The following NVL variants were observed in gnomAD, a reference collection of about 807,000 sequenced individuals.
NVL encodes the protein nuclear valosin-containing protein-like.
NVL carries 84 observed loss-of-function variants against 110.2 expected under a neutral mutation model. The observed-to-expected ratio is 0.76, with a 90% CI of 0.64 to 0.91. The LOEUF (loss-of-function observed/expected upper bound fraction) is 0.91. Among genes scored for constraint, NVL ranks in the 40% least tolerant of loss-of-function variants. The pLI is 0.00. For missense variants in NVL, 882 were observed against 1,035.9 expected, an observed-to-expected ratio of 0.85 and a Z score of 2.04; for synonymous variants, 354 against 361.1, an observed-to-expected ratio of 0.98 and a Z score of 0.22.
At chr1:224,245,353 T>A (rs898623005) in intron 19 of NVL, among the ~76,000 whole-genome samples, 1 of 152,198 alleles carries the variant, frequency 6.6e-6, no homozygotes, top group African/African-American at 2.4e-5. Context: ...CAAAGCTTTT[T>A]AAACAAAAAC....
chr1:224,278,020 A>G (rs1021748209), intron 16 of NVL, among the ~76,000 whole-genome samples: 2 of 152,144 alleles, frequency 1.3e-5, no homozygotes, highest in African/African-American at 4.8e-5. Context: ...CTTTTACTTA[A>G]CAAACTTGTC....
intron 17 of NVL, among the ~76,000 whole-genome samples, chr1:224,271,365 C>T (rs968750054): frequency 7.2e-5 from 11 of 151,850 alleles, no homozygotes; most frequent in African/African-American, 2.7e-4. Flanking sequence ...GGTGCACACC[C>T]GTACTACTAG....
chr1:224,311,782 A>T lies in NVL; in HGVS notation c.342+18T>A. The T allele has an allele frequency of 6.2e-7, 1 of 1,605,970 alleles. No homozygotes were observed. Among genetic ancestry groups the T allele is most frequent in the South Asian group, 1.1e-5 (1 of 90,786 alleles). ...AAAAAGAAAAAATCTAAGTGGACCC[A>T]CTAAATGTTTGGCTTACCTGTGGAT... On this transcript the variant is annotated intron_variant, in intron 5 of 22. Transcript: ENST00000281701.
rs991679640 is a variant in NVL at position 224,257,632 on chromosome 1, A to G, written c.2183-7314T>C. Reference sequence around the variant, plus strand: ...AGCCTTGATCTCCGGGACTCAAGCAATCCTCCCGCCATAGCCTCCCAAGTA... The same window carrying G: ...AGCCTTGATCTCCGGGACTCAAGCAGTCCTCCCGCCATAGCCTCCCAAGTA... On this transcript the variant is annotated intron_variant, in intron 18 of 22. Transcript: ENST00000281701. Among the ~76,000 whole-genome samples the G allele has an allele frequency of 3.9e-4, 59 of 152,040 alleles. 1 individual carries two copies. Among genetic ancestry groups the G allele is most frequent in the Admixed American group, 3.3e-3 (50 of 15,254 alleles).
At chr1:224,302,381 G>T (rs181373827) in intron 9 of NVL, among the ~76,000 whole-genome samples, 3 of 152,196 alleles carry the variant, frequency 2.0e-5, no homozygotes, top group Non-Finnish European at 4.4e-5. Context: ...TGTATTTTTA[G>T]TAGAGATGGG....
At chr1:224,318,656 G>A (rs771816360) in intron 2 of NVL, among the ~76,000 whole-genome samples, 20 of 151,304 alleles carry the variant, frequency 1.3e-4, no homozygotes, top group South Asian at 6.3e-4. Context: ...CAGACCCTTC[G>A]TCTCAAAAAT....
At chr1:224,281,981 A>T (rs1170241462) in intron 15 of NVL, among the ~76,000 whole-genome samples, 1 of 151,346 alleles carries the variant, frequency 6.6e-6, no homozygotes, top group Non-Finnish European at 1.5e-5. Context: ...AAAAAGACAA[A>T]TGGGAAAAGG....
rs151019058 is a variant in NVL, at chr1:224,237,658, C to T, written c.2290-1076G>A. The stretch of plus-strand genomic sequence containing the variant: ...GTGGAACAACCACAACAGACTTGAC[C>T]TCCTCGGCACAAGAGATCCTTCTAC... On this transcript the variant is annotated intron_variant, in intron 19 of 22. Coordinates refer to ENST00000281701, the MANE Select transcript of NVL (RefSeq NM_002533.4). 5.9e-5 allele frequency among the ~76,000 whole-genome samples: 9 copies of T among 151,962 alleles called. No individual in the cohort carries two copies. The East Asian group carries it at 1.5e-3, about 26-fold the overall frequency.
At chr1:224,316,202 T>C (rs1016171305) in intron 4 of NVL, among the ~76,000 whole-genome samples, 1 of 151,328 alleles carries the variant, frequency 6.6e-6, no homozygotes, top group Non-Finnish European at 1.5e-5. Context: ...AACAGATAAA[T>C]AGATAAAATA....
At chr1:224,268,548 C>A (rs1275663997) in intron 17 of NVL, among the ~76,000 whole-genome samples, 6 of 152,210 alleles carry the variant, frequency 3.9e-5, no homozygotes, top group Admixed American at 3.3e-4. Context: ...GCTGTCCAGG[C>A]TGGTCGTGAC....
chr1:224,238,724 C>T (rs1229562681), intron 19 of NVL, among the ~76,000 whole-genome samples: 2 of 152,106 alleles, frequency 1.3e-5, no homozygotes, highest in Admixed American at 6.6e-5. Context: ...CAATTTTCAA[C>T]CGAGTCAGGA....
In NVL at chr1:224,227,669, T is replaced by A. The variant is rs778682297; in HGVS notation, c.2528A>T (p.Asp843Val). ...KKVRSSISKK[D>V]QIMYERLQES... Reference sequence around the variant, plus strand: ...CTGCAAACGTTCATACATGATTTGATCCTGAAAGGAGGGAGAACACAGAAT... The same window carrying A: ...CTGCAAACGTTCATACATGATTTGAACCTGAAAGGAGGGAGAACACAGAAT... The change falls in exon 23 of 23, where the codon GAT (aspartate) becomes GTT (valine). Residue 843 changes from aspartate to valine, a missense_variant and splice_region_variant. By Grantham distance (152) the Asp-to-Val change is radical. Transcript: ENST00000281701. The A allele has an allele frequency of 6.2e-7, 1 of 1,610,588 alleles. No homozygotes were observed. Among genetic ancestry groups the A allele is most frequent in the Non-Finnish European group, 8.5e-7 (1 of 1,177,730 alleles).
At chr1:224,250,747 T>C (rs1662380397) in intron 18 of NVL, among the ~76,000 whole-genome samples, 1 of 152,172 alleles carries the variant, frequency 6.6e-6, no homozygotes, top group Non-Finnish European at 1.5e-5. Flanking sequence ...AAAAGTCCAC[T>C]GTATCATTCT....
intron 19 of NVL, among the ~76,000 whole-genome samples, chr1:224,240,061 AT>A (rs34586586): frequency 1.3e-3 from 122 of 90,940 alleles, no homozygotes; most frequent in African/African-American, 4.9e-3. Flanking sequence ...ACGCTGGGTA[AT>A]TTTTTTTTTT....
Position 224,230,138 on chromosome 1 carries a change from T to C in NVL, c.2526+1088A>G, listed in dbSNP as rs553530232. ...TAAGCCCCTGTGCCCAGCTCCAGAG[T>C]GATTTTTTTTTAACCCTTCTCCCAC... On this transcript the variant is annotated intron_variant, in intron 22 of 22. Transcript: ENST00000281701. Among the ~76,000 whole-genome samples, 3 of 152,094 alleles carry C rather than the reference T, an allele frequency of 2.0e-5. No homozygotes were observed. In the South Asian group the frequency reaches 6.2e-4, roughly 32 times the overall value.
intron 9 of NVL, 143 bp from the exon 10 acceptor site, chr1:224,300,806 T>A: frequency 1.6e-6 from 1 of 620,322 alleles, no homozygotes; most frequent in Non-Finnish European, 2.8e-6. Flanking sequence ...AAACACTATT[T>A]GAAAATCAAT....
intron 5 of NVL, 69 bp downstream of exon 5, chr1:224,311,731 T>C (rs774760419): frequency 2.7e-5 from 33 of 1,225,262 alleles, no homozygotes; most frequent in Non-Finnish European, 4.0e-5. Flanking sequence ...ATACTGAGTT[T>C]TTCAAGGGAG....
intron 22 of NVL, among the ~76,000 whole-genome samples, chr1:224,228,853 G>C (rs1162462350): frequency 7.3e-6 from 1 of 136,874 alleles, no homozygotes; most frequent in African/African-American, 2.7e-5. Flanking sequence ...GCAGGAGAAT[G>C]GTGTGAACCT....
intron 21 of NVL, 117 bp downstream of exon 21, chr1:224,233,084 A>T: frequency 1.3e-6 from 1 of 779,360 alleles, no homozygotes; most frequent in Non-Finnish European, 2.0e-6. Flanking sequence ...CAGTCTTATT[A>T]GAAAAACGTT....
Sources: gnomAD v4.1 joint callset for allele counts (sites outside exome capture counted in the v4.1 genomes callset) on GRCh38, gnomAD v4.1.1 for gene constraint, MANE v1.5 for transcripts, NCBI Gene and HGNC (gene_info 2026-07-23, HGNC 2026-07-21) for gene names.